Variants in ZNF519 observed in about 807,000 individuals in gnomAD.
ZNF519 encodes the protein zinc finger protein 519, also known as similar to Zinc finger protein 85 (Zinc finger protein HPF4) (HTF1).
A neutral mutation model predicts 7.4 loss-of-function variants in ZNF519; 7 were observed. The observed-to-expected ratio is 0.94, with a 90% CI of 0.54 to 1.77. ZNF519 has a LOEUF of 1.77. ZNF519 is among the 40% of genes most tolerant of loss of function. ZNF519 has a pLI of 0.00. For missense variants in ZNF519, 586 were observed against 623.1 expected (o/e 0.94, Z 0.63); for synonymous variants, 179 against 203.3 (o/e 0.88, Z 1.02).
At chr18:14,129,433 A>G (rs1483324459) in intron 1 of ZNF519, among the ~76,000 whole-genome samples, 3 of 152,026 alleles carry the variant, frequency 2.0e-5, no homozygotes, top group African/African-American at 7.3e-5. Flanking sequence ...AGGGGAGGGA[A>G]TAGGTTCTCA....
chr18:14,101,589 T>C lies in ZNF519; in HGVS notation c.*3328A>G, dbSNP rs1287404496. Reference sequence around the variant, plus strand: ...GGGAAAGCCAAGGCACAAAGTCCTGTGAGTCATCAAGGTGGAGTCCTGGCA... The same window carrying C: ...GGGAAAGCCAAGGCACAAAGTCCTGCGAGTCATCAAGGTGGAGTCCTGGCA... On this transcript the variant is annotated 3_prime_UTR_variant, in exon 3 of 3. Transcript: ENST00000590202. 1 of 398,138 alleles carries C rather than the reference T, an allele frequency of 2.5e-6. No homozygotes were observed. The highest frequency in any genetic ancestry group is 2.1e-5 in the African/African-American group (1 of 48,588). 24.7% of individuals were successfully genotyped at this position (398,138 alleles called of 1,614,324 possible).
chr18:14,077,777 T>C (rs2046053663), intron 4 of ZNF519, among the ~76,000 whole-genome samples: 1 of 152,184 alleles, frequency 6.6e-6, no homozygotes, highest in African/African-American at 2.4e-5. Flanking sequence ...GATTCTATGC[T>C]TCCTTGATGT....
At chr18:14,127,824 C>A (rs2046308387) in intron 1 of ZNF519, among the ~76,000 whole-genome samples, 2 of 151,884 alleles carry the variant, frequency 1.3e-5, no homozygotes, top group Admixed American at 6.6e-5. Flanking sequence ...AGAGACCATT[C>A]TGTTTGAAGA....
At chr18:14,088,418 C>CTTTGTAGCTTAG (rs1157015525) in intron 2 of ZNF519, among the ~76,000 whole-genome samples, 2 of 152,102 alleles carry the variant, frequency 1.3e-5, no homozygotes, top group Non-Finnish European at 2.9e-5. Context: ...TTTCACTTTA[C>CTTTGTAGCTTAG]CATCATATTC....
At position 14,101,393 on chromosome 18, in the gene ZNF519, A is replaced by T. The variant is rs1248787726; in HGVS notation, c.*3524T>A. On this transcript the variant is annotated 3_prime_UTR_variant, in exon 3 of 3. Transcript: ENST00000590202. ...AATGAGCCCTAGCAAATGCAAAAAC[A>T]CTCATGGTCATAACATGAAGTGAAA... 8 of 289,800 alleles carry T rather than the reference A, an allele frequency of 2.8e-5. No individual in the cohort carries two copies. In the Admixed American group the frequency reaches 3.1e-4, roughly 11 times the overall value. 18.0% of individuals were successfully genotyped at this position (289,800 alleles called of 1,614,324 possible). A position where few individuals can be genotyped will look rare whatever the true frequency, so the allele number is the denominator to read the frequency against.
At chr18:14,117,013 AAATAAT>A (rs2046249357) in intron 2 of ZNF519, among the ~76,000 whole-genome samples, 1 of 152,178 alleles carries the variant, frequency 6.6e-6, no homozygotes, top group Non-Finnish European at 1.5e-5. Context: ...CTCCATCTCA[AAATAAT>A]AATAATATAG....
intron 1 of ZNF519, among the ~76,000 whole-genome samples, 188 bp downstream of exon 1, chr18:14,132,087 G>C (rs1019723418): frequency 3.3e-5 from 5 of 152,138 alleles, no homozygotes; most frequent in African/African-American, 9.7e-5. Context: ...GCTGCGCAAA[G>C]AGGGCTACAG....
intron 2 of ZNF519, among the ~76,000 whole-genome samples, chr18:14,112,817 T>A (rs1170195408): frequency 1.3e-5 from 2 of 151,926 alleles, no homozygotes; most frequent in East Asian, 3.9e-4. Context: ...ATAAGAAAAA[T>A]CAGTATTTTT....
At chr18:14,089,487 A>T (rs969166284) in intron 2 of ZNF519, among the ~76,000 whole-genome samples, 2 of 152,148 alleles carry the variant, frequency 1.3e-5, no homozygotes, top group Admixed American at 1.3e-4. Context: ...CTAAATGGGC[A>T]TTTCTTGAGT....
At chr18:14,099,755 G>C (rs1256744249), downstream of ZNF519, among the ~76,000 whole-genome samples, 2 of 152,068 alleles carry the variant, frequency 1.3e-5, no homozygotes, top group African/African-American at 2.4e-5. Flanking sequence ...TGTGCAAAAA[G>C]GTCTACAAGT....
At chr18:14,124,315 G>C in intron 2 of ZNF519, 35 bp downstream of exon 2, 1 of 1,562,746 alleles carries the variant, frequency 6.4e-7, no homozygotes, top group African/African-American at 1.4e-5. Context: ...AACTCTGAGG[G>C]AGAATTAGGA....
chr18:14,121,573 T>C (rs574837741), intron 2 of ZNF519, among the ~76,000 whole-genome samples: 1 of 152,274 alleles, frequency 6.6e-6, no homozygotes, highest in Non-Finnish European at 1.5e-5. Context: ...GGGCTTTTTT[T>C]TAAATGAAAC....
intron 2 of ZNF519, among the ~76,000 whole-genome samples, chr18:14,091,547 C>CA (rs1159043768): frequency 6.6e-6 from 1 of 152,120 alleles, no homozygotes; most frequent in African/African-American, 2.4e-5. Context: ...AGATCAGTGA[C>CA]AGAGACAGCA....
intron 2 of ZNF519, among the ~76,000 whole-genome samples, chr18:14,118,913 A>G (rs1036517993): frequency 6.6e-6 from 1 of 152,130 alleles, no homozygotes; most frequent in African/African-American, 2.4e-5. Flanking sequence ...AGACCTGTGA[A>G]AACTGCTTCA....
intron 1 of ZNF519, among the ~76,000 whole-genome samples, chr18:14,131,208 GA>G (rs1355437929): frequency 6.6e-6 from 1 of 152,160 alleles, no homozygotes; most frequent in Non-Finnish European, 1.5e-5. Context: ...ACAGCAGAAA[GA>G]TTTTTTACAG....
At chr18:14,072,174 T>G (rs2046030736), downstream of ZNF519, 2 of 152,230 alleles carry the variant, frequency 1.3e-5, no homozygotes. Context: ...AGTAACTGCC[T>G]GGTCTGTAAC....
At chr18:14,110,827 T>C (rs1211083655) in intron 2 of ZNF519, among the ~76,000 whole-genome samples, 1 of 152,120 alleles carries the variant, frequency 6.6e-6, no homozygotes, top group Non-Finnish European at 1.5e-5. Context: ...TTCTTATAAG[T>C]GAGAGCTAAT....
chr18:14,074,360 G>C (rs1389411206), downstream of ZNF519: 1 of 152,328 alleles, frequency 6.6e-6, no homozygotes, highest in African/African-American at 2.4e-5. Context: ...TGAGTGTCCT[G>C]CACTGCACCC....
At position 14,103,814 on chromosome 18, in the gene ZNF519, T is replaced by A. The variant is rs2046173831; in HGVS notation, c.*1103A>T. The A allele has an allele frequency of 6.6e-6, 1 of 152,114 alleles. No homozygotes were observed. The highest frequency in any genetic ancestry group is 1.5e-5 in the Non-Finnish European group (1 of 67,964). The allele number at this position is 152,114 out of a possible 1,614,324, so 9.4% of individuals were successfully genotyped here. On this transcript the variant is annotated 3_prime_UTR_variant, in exon 3 of 3. Transcript: ENST00000590202. The stretch of plus-strand genomic sequence containing the variant: ...ACCTGGAATCTTGAGCAAGGTGGAA[T>A]AAGTTAACATTTTTGTCAGGATAAG...
Sources: gnomAD v4.1 joint callset for allele counts (sites outside exome capture counted in the v4.1 genomes callset) on GRCh38, gnomAD v4.1.1 for gene constraint, MANE v1.5 for transcripts, NCBI Gene and HGNC (gene_info 2026-07-23, HGNC 2026-07-21) for gene names.